GPR158: variants seen among roughly 807,000 people sequenced by gnomAD.
The protein encoded by GPR158 is G protein-coupled receptor 158, also known as metabotropic glycine receptor.
A neutral mutation model predicts 78.2 loss-of-function variants in GPR158; 30 were observed. The observed-to-expected ratio is 0.38, with a 90% CI of 0.29 to 0.52. GPR158 has a LOEUF of 0.52. GPR158 is among the 20% of genes least tolerant of loss of function. The pLI, the probability that GPR158 is intolerant of heterozygous loss-of-function variation, is 0.83. For synonymous variants in GPR158, 581 were observed against 591.1 expected, an observed-to-expected ratio of 0.98 and a Z score of 0.25; for missense variants, 1,463 against 1,523.5, an observed-to-expected ratio of 0.96 and a Z score of 0.66.
In GPR158 at chr10:25,396,059, T is replaced by C. The variant is rs757408413; in HGVS notation, c.1111+46T>C. On this transcript the variant is annotated intron_variant, in intron 3 of 10. Transcript: ENST00000376351. ...TGTATATATATGTATATACATCATA[T>C]ATACTATTATTACGAAGATTTTCTT... The C allele has an allele frequency of 3.8e-6, 3 of 782,240 alleles. No homozygotes were observed. The East Asian group carries it at 8.3e-5, about 22-fold the overall frequency. 48.5% of individuals were successfully genotyped at this position (782,240 alleles called of 1,614,324 possible).
intron 4 of GPR158, among the ~76,000 whole-genome samples, chr10:25,453,094 C>T (rs1019734635): frequency 2.0e-5 from 3 of 152,124 alleles, no homozygotes; most frequent in African/African-American, 7.2e-5. Context: ...CCATTGTGTA[C>T]ATACACCACA....
At position 25,429,791 on chromosome 10, in the gene GPR158, C is replaced by T. The variant is rs529706631; in HGVS notation, c.1335+17318C>T. Among the ~76,000 whole-genome samples the T allele has an allele frequency of 7.0e-5, 10 of 142,746 alleles. 1 individual carries two copies. The South Asian group carries it at 2.4e-3, about 34-fold the overall frequency. The allele number at this position is 142,746 out of a possible 152,430, so 93.6% of individuals were successfully genotyped here. On this transcript the variant is annotated intron_variant, in intron 4 of 10. Transcript: ENST00000376351. The stretch of plus-strand genomic sequence containing the variant: ...ACTATCTCAATAGATGAAGAAAAGG[C>T]CTTTGACAAAATTCAACAACCGTTC...
At chr10:25,243,376 A>G (rs1853650473) in intron 2 of GPR158, among the ~76,000 whole-genome samples, 1 of 152,218 alleles carries the variant, frequency 6.6e-6, no homozygotes, top group Admixed American at 6.5e-5. Flanking sequence ...TTGGTCTTTA[A>G]TCATGCATTC....
intron 2 of GPR158, among the ~76,000 whole-genome samples, chr10:25,248,334 G>C (rs1853733034): frequency 6.6e-6 from 1 of 152,108 alleles, no homozygotes; most frequent in South Asian, 2.1e-4. Context: ...GATCCCATTT[G>C]TCAATTTTGT....
chr10:25,206,995 C>T (rs1037447843), intron 1 of GPR158, among the ~76,000 whole-genome samples: 6 of 151,424 alleles, frequency 4.0e-5, no homozygotes, highest in Admixed American at 3.3e-4. Flanking sequence ...CCAAGTCCCA[C>T]GGGGGAAATG....
chr10:25,225,387 T>C (rs1222738993), intron 2 of GPR158, among the ~76,000 whole-genome samples: 2 of 151,962 alleles, frequency 1.3e-5, no homozygotes, highest in Non-Finnish European at 2.9e-5. Flanking sequence ...AGGCAATAAA[T>C]GGAAAATTGA....
At chr10:25,300,694 T>C (rs1218348943) in intron 2 of GPR158, among the ~76,000 whole-genome samples, 5 of 152,172 alleles carry the variant, frequency 3.3e-5, no homozygotes, top group African/African-American at 1.2e-4. Context: ...AGTATTCCAT[T>C]AATGTTTAGA....
At chr10:25,539,391 G>T (rs1169100514) in intron 5 of GPR158, among the ~76,000 whole-genome samples, 1 of 152,132 alleles carries the variant, frequency 6.6e-6, no homozygotes, top group Non-Finnish European at 1.5e-5. Flanking sequence ...AGAGAATGAG[G>T]CCTGTGGTGT....
rs559164301 is a variant in GPR158, at chr10:25,602,033, G to C, written c.*2759G>C. On this transcript the variant is annotated 3_prime_UTR_variant, in exon 11 of 11. Transcript: ENST00000376351. ...TAGGACTGAAAAAACACTGCCTTTT[G>C]ACTTCTAGCATTTAGCAACCGAGAG... 6.6e-6 allele frequency: 1 copy of C among 152,646 alleles called. No homozygotes were observed. The highest frequency in any genetic ancestry group is 6.5e-5 in the Admixed American group (1 of 15,272). The allele number at this position is 152,646 out of a possible 1,614,324, so 9.5% of individuals were successfully genotyped here.
At chr10:25,243,688 C>A (rs1005601087) in intron 2 of GPR158, among the ~76,000 whole-genome samples, 1 of 152,162 alleles carries the variant, frequency 6.6e-6, no homozygotes, top group African/African-American at 2.4e-5. Context: ...TGTCTCCAAT[C>A]TTTTATATTG....
chr10:25,385,421 A>G (rs1298123182), intron 2 of GPR158, among the ~76,000 whole-genome samples: 1 of 152,144 alleles, frequency 6.6e-6, no homozygotes, highest in Non-Finnish European at 1.5e-5. Flanking sequence ...TAGTGCCACT[A>G]TGAATATGGG....
intron 2 of GPR158, among the ~76,000 whole-genome samples, chr10:25,385,232 C>T (rs1356677603): frequency 6.6e-6 from 1 of 152,094 alleles, no homozygotes; most frequent in African/African-American, 2.4e-5. Flanking sequence ...GCTTTTTGTG[C>T]TAGGTTTATT....
chr10:25,342,044 T>C (rs1855310442), intron 2 of GPR158, among the ~76,000 whole-genome samples: 1 of 152,108 alleles, frequency 6.6e-6, no homozygotes, highest in African/African-American at 2.4e-5. Flanking sequence ...GGTACAAATA[T>C]ACTATACCTT....
At chr10:25,398,158 T>C (rs971192997) in intron 3 of GPR158, among the ~76,000 whole-genome samples, 1 of 152,206 alleles carries the variant, frequency 6.6e-6, no homozygotes, top group African/African-American at 2.4e-5. Context: ...GATTTCAGCC[T>C]GGTGAGGCCC....
Position 25,598,435 on chromosome 10 carries a change from A to C in GPR158, c.2809A>C (p.Lys937Gln). 6.2e-7 allele frequency: 1 copy of C among 1,614,094 alleles called. No homozygotes were observed. ...ERTKSQKPLP[K>Q]DKETNRNHSN... ...CACTAAATCCCAGAAACCTTTGCCA[A>C]AAGATAAAGAGACAAACAGAAATCA... Residue 937 changes from lysine to glutamine, a missense_variant, in exon 11 of 11, where the codon AAA becomes CAA. Coordinates refer to ENST00000376351, the MANE Select transcript of GPR158 (RefSeq NM_020752.3).
intron 5 of GPR158, among the ~76,000 whole-genome samples, chr10:25,515,638 T>C (rs17528006): frequency 1.4e-4 from 20 of 146,098 alleles, no homozygotes; most frequent in South Asian, 1.1e-3. Flanking sequence ...TTTGTTCTTG[T>C]GATAGTTTAC....
intron 4 of GPR158, among the ~76,000 whole-genome samples, chr10:25,415,068 G>A (rs934685561): frequency 6.6e-6 from 1 of 152,062 alleles, no homozygotes; most frequent in Non-Finnish European, 1.5e-5. Flanking sequence ...AAAAACCCAA[G>A]AAACTTTTAT....
chr10:25,501,995 T>C (rs1835950633), intron 5 of GPR158, among the ~76,000 whole-genome samples: 1 of 152,154 alleles, frequency 6.6e-6, no homozygotes. Context: ...GGGAACTGTT[T>C]CTGAGCTCTA....
At position 25,175,771 on chromosome 10, in the gene GPR158, C is replaced by A; in HGVS notation, c.351C>A (p.Ser117Arg). The change falls in exon 1 of 11, where the codon AGC (serine) becomes AGA (arginine). Residue 117 changes from serine (S) to arginine (R), a missense_variant. Physicochemically the swap from Ser to Arg is moderately radical, Grantham distance 110. Coordinates refer to ENST00000376351, the MANE Select transcript of GPR158 (RefSeq NM_020752.3). This position sits in a 1 kb window ranked among gnomAD's most constrained non-coding sequence, Gnocchi z 6.4. ...CGGGGAAGTGGCCAGCCCTGGCCAG[C>A]GCGCACCCCTCCTTGCACCGGGCGC... ...GLPGKWPALASAHPSLHRALD... is the reference protein window; with the variant it reads ...GLPGKWPALARAHPSLHRALD... The A allele has an allele frequency of 6.2e-7, 1 of 1,611,146 alleles. No individual in the cohort carries two copies. Among genetic ancestry groups the A allele is most frequent in the South Asian group, 1.1e-5 (1 of 91,080 alleles).
Sources: gnomAD v4.1 joint callset for allele counts (sites outside exome capture counted in the v4.1 genomes callset) on GRCh38, gnomAD v4.1.1 for gene constraint, Gnocchi (gnomAD v3.1) non-coding constraint, MANE v1.5 for transcripts, NCBI Gene and HGNC (gene_info 2026-07-23, HGNC 2026-07-21) for gene names.